Variants in PCDHA4 observed in about 807,000 individuals in gnomAD.
PCDHA4 encodes the protein protocadherin alpha-4.
In PCDHA4, 49 loss-of-function variants were observed where a neutral mutation model predicts 61.4. The observed-to-expected ratio is 0.80, with a 90% CI of 0.63 to 1.01. The LOEUF is 1.01. Among genes scored for constraint, PCDHA4 ranks in the 50% least tolerant of loss-of-function variants. PCDHA4 has a pLI of 0.00. For missense variants in PCDHA4, 1,254 were observed against 1,235.8 expected (o/e 1.01, Z -0.22); for synonymous variants, 590 against 550.3 (o/e 1.07, Z -1.01).
intron 1 of PCDHA4, chr5:140,850,645 T>C: frequency 1.3e-6 from 2 of 1,598,542 alleles, no homozygotes; most frequent in South Asian, 1.1e-5. Context: ...ACGCTGCTGC[T>C]GTACACTGTG....
rs567757480 is a variant in PCDHA4 at position 140,809,155 on chromosome 5, G to A, written c.1968G>A (p.Glu656=). The A allele has an allele frequency of 3.1e-6, 5 of 1,613,980 alleles. No homozygotes were observed. The highest frequency in any genetic ancestry group is 4.2e-6 in the Non-Finnish European group (5 of 1,179,932). The change falls in exon 1 of 4, where the codon GAG becomes GAA. Residue 656 remains glutamate, a synonymous_variant. Transcript: ENST00000530339. ...TGGTACTGGTGAAGGACCACGGCGA[G>A]CCCGCGCTGACGGCCACGGCCACTG... ...RLLVLVKDHG[E]PALTATATVL...
chr5:140,883,627 G>T (rs781902332), intron 1 of PCDHA4: 78 of 1,613,816 alleles, frequency 4.8e-5, no homozygotes, highest in Non-Finnish European at 6.2e-5. Flanking sequence ...ACAACGCGCC[G>T]GCGTTCGCGC....
chr5:140,885,430 A>T (rs1216159578), intron 1 of PCDHA4, among the ~76,000 whole-genome samples: 2 of 152,132 alleles, frequency 1.3e-5, no homozygotes, highest in African/African-American at 4.8e-5. Context: ...CCACAGTGTA[A>T]GTGTGCAATT....
chr5:141,006,067 A>G (rs1202024176), intron 3 of PCDHA4, among the ~76,000 whole-genome samples: 4 of 151,950 alleles, frequency 2.6e-5, no homozygotes, highest in Admixed American at 6.6e-5. Flanking sequence ...AGAAATAAAA[A>G]TCAGATTATT....
chr5:140,877,902 C>T (rs2153356896), intron 1 of PCDHA4: 1 of 1,438,302 alleles, frequency 7.0e-7, no homozygotes, highest in Middle Eastern at 2.3e-4. Flanking sequence ...TAGGTTATAA[C>T]TACATTCTCT....
At chr5:140,883,636 G>A (rs781839349) in intron 1 of PCDHA4, 5 of 1,613,974 alleles carry the variant, frequency 3.1e-6, no homozygotes, top group South Asian at 2.2e-5. Context: ...CGGCGTTCGC[G>A]CAGCCCGAGT....
In PCDHA4 at chr5:140,809,029, G is replaced by A; in HGVS notation, c.1842G>A (p.Gly614=). 3.1e-6 allele frequency: 5 copies of A among 1,613,858 alleles called. No homozygotes were observed. Among genetic ancestry groups the A allele is most frequent in the African/African-American group, 1.3e-5 (1 of 75,058 alleles). The change falls in exon 1 of 4, where the codon GGG becomes GGA. Residue 614 remains glycine (G), a synonymous_variant. Coordinates refer to ENST00000530339, the MANE Select transcript of PCDHA4 (RefSeq NM_018907.4). ...GGCTTTCGTACGAGCTGCAGCCGGG[G>A]ACTGGTGGCGCGCGCATCCCGTTCC... ...NAWLSYELQP[G]TGGARIPFRV...
chr5:140,959,073 G>A (rs775479268), intron 1 of PCDHA4, among the ~76,000 whole-genome samples: 2 of 152,094 alleles, frequency 1.3e-5, no homozygotes, highest in Non-Finnish European at 2.9e-5. Flanking sequence ...ATAGAATTCA[G>A]TATTATCCTT....
intron 1 of PCDHA4, chr5:140,968,814 G>A: frequency 1.5e-5 from 24 of 1,614,232 alleles, no homozygotes; most frequent in Non-Finnish European, 1.9e-5. Context: ...GTGGTGGATA[G>A]GGTTTCCAAA....
At chr5:140,886,827 GAAAA>G (rs782016620) in intron 1 of PCDHA4, among the ~76,000 whole-genome samples, 16 of 60,888 alleles carry the variant, frequency 2.6e-4, no homozygotes, top group Non-Finnish European at 3.3e-4. Flanking sequence ...ACTTCGTCTT[GAAAA>G]AAAAAAAAAA....
chr5:140,809,588 C>T lies in PCDHA4; in HGVS notation c.2385+16C>T, dbSNP rs531817077. The T allele has an allele frequency of 1.2e-5, 19 of 1,541,288 alleles. No individual in the cohort carries two copies. Among genetic ancestry groups the T allele is most frequent in the Non-Finnish European group, 1.7e-5 (19 of 1,143,062 alleles). On this transcript the variant is annotated intron_variant, in intron 1 of 3. Coordinates refer to ENST00000530339, the MANE Select transcript of PCDHA4 (RefSeq NM_018907.4). ...CTTTGCAAAGGTTAGTGTATAACATCCTTTTGTTTAATTTTCGTATTGTTT... is the reference window on the plus strand; with the variant it reads ...CTTTGCAAAGGTTAGTGTATAACATTCTTTTGTTTAATTTTCGTATTGTTT...
chr5:140,828,898 G>A, intron 1 of PCDHA4: 1 of 1,614,210 alleles, frequency 6.2e-7, no homozygotes, highest in Non-Finnish European at 8.5e-7. Flanking sequence ...CTTCTGATCG[G>A]GATGAAGGAG....
chr5:141,001,492 T>A (rs1190860523), intron 3 of PCDHA4, among the ~76,000 whole-genome samples: 1 of 152,236 alleles, frequency 6.6e-6, no homozygotes, highest in African/African-American at 2.4e-5. Context: ...CTGGAAATGC[T>A]AGCCCAGGTG....
At chr5:140,946,452 T>C (rs2093945325) in intron 1 of PCDHA4, among the ~76,000 whole-genome samples, 1 of 151,436 alleles carries the variant, frequency 6.6e-6, no homozygotes. Flanking sequence ...AAAACAACTA[T>C]CCAGCAATCC....
At chr5:140,978,839 CT>C in intron 1 of PCDHA4, 109 bp from the exon 2 acceptor site, 3 of 1,556,998 alleles carry the variant, frequency 1.9e-6, no homozygotes, top group Non-Finnish European at 2.6e-6. Context: ...TCATTCAATA[CT>C]TTTTTAGATG....
intron 1 of PCDHA4, chr5:140,882,955 C>G (rs1554176243): frequency 6.2e-7 from 1 of 1,614,178 alleles, no homozygotes; most frequent in Admixed American, 1.7e-5. Context: ...TTCAGCTGCT[C>G]ATCACGATTC....
rs782649273 is a variant in PCDHA4, at chr5:140,807,332, G to A, written c.145G>A (p.Ala49Thr). Residue 49 changes from alanine (A) to threonine (T), a missense_variant, in exon 1 of 4, where the codon GCG becomes ACG. Physicochemically the swap from Ala to Thr is moderately conservative, Grantham distance 58. Coordinates refer to ENST00000530339, the MANE Select transcript of PCDHA4 (RefSeq NM_018907.4). ...ACACGGCACCTTCGTGGGCCGCATC[G>A]CGCAGGACCTGGGACTGGAGCTGGC... The part of the protein sequence containing the change: ...AKHGTFVGRI[A>T]QDLGLELAEL... 3 of 1,613,598 alleles carry A rather than the reference G, an allele frequency of 1.9e-6. No homozygotes were observed. The highest frequency in any genetic ancestry group is 3.3e-5 in the Admixed American group (2 of 59,986).
chr5:140,882,656 C>G, intron 1 of PCDHA4: 2 of 1,614,192 alleles, frequency 1.2e-6, no homozygotes, highest in Middle Eastern at 1.6e-4. Flanking sequence ...TAACGACAAC[C>G]CGCCCATATT....
chr5:140,837,522 T>C (rs1187305095), intron 1 of PCDHA4, among the ~76,000 whole-genome samples: 1 of 151,966 alleles, frequency 6.6e-6, no homozygotes. Flanking sequence ...TTTACTTTTT[T>C]TGTATATTCC....
Sources: gnomAD v4.1 joint callset for allele counts (sites outside exome capture counted in the v4.1 genomes callset) on GRCh38, gnomAD v4.1.1 for gene constraint, MANE v1.5 for transcripts, NCBI Gene and HGNC (gene_info 2026-07-23, HGNC 2026-07-21) for gene names.